Variants in TBC1D23 observed in about 807,000 individuals in gnomAD.
TBC1D23 encodes the protein HCV non-structural protein 4A-transactivated protein 1.
In TBC1D23, 55 loss-of-function variants were observed where a neutral mutation model predicts 91.4. That is an observed-to-expected ratio of 0.60 (90% CI 0.48 to 0.75). TBC1D23 has a LOEUF of 0.75. Among genes scored for constraint, TBC1D23 ranks in the 30% least tolerant of loss-of-function variants. TBC1D23 has a pLI of 0.00. For missense variants in TBC1D23, 725 were observed against 836.1 expected, an observed-to-expected ratio of 0.87 and a Z score of 1.64; for synonymous variants, 289 against 281.0, an observed-to-expected ratio of 1.03 and a Z score of -0.28.
intron 8 of TBC1D23, among the ~76,000 whole-genome samples, chr3:100,297,455 G>T (rs1705320307): frequency 6.6e-6 from 1 of 152,048 alleles, no homozygotes; most frequent in Admixed American, 6.5e-5. Flanking sequence ...AATACTGAAT[G>T]AAAAAGAAGT....
At chr3:100,266,222 G>A (rs887302536) in intron 1 of TBC1D23, among the ~76,000 whole-genome samples, 6 of 151,756 alleles carry the variant, frequency 4.0e-5, no homozygotes, top group African/African-American at 1.5e-4. Flanking sequence ...ATTTTATACT[G>A]TTTACATTAA....
chr3:100,268,197 C>CT (rs1434057792), intron 1 of TBC1D23, among the ~76,000 whole-genome samples: 1 of 151,996 alleles, frequency 6.6e-6, no homozygotes, highest in Non-Finnish European at 1.5e-5. Flanking sequence ...GTTATTTTTC[C>CT]TTTAAACAGT....
chr3:100,314,091 ATTTTTT>A (rs71299383), intron 15 of TBC1D23, among the ~76,000 whole-genome samples: 187 of 94,594 alleles, frequency 2.0e-3, no homozygotes, highest in African/African-American at 6.7e-3. Flanking sequence ...AGGCTACAAA[ATTTTTT>A]TTTTTTTTTT....
At chr3:100,306,363 A>G (rs571801864) in intron 12 of TBC1D23, 74 bp from the exon 13 acceptor site, 87 of 800,284 alleles carry the variant, frequency 1.1e-4, no homozygotes, top group Admixed American at 5.2e-4. Context: ...TGTTTATTGT[A>G]TTTCGTTGGT....
intron 1 of TBC1D23, among the ~76,000 whole-genome samples, chr3:100,269,986 G>A (rs1188224671): frequency 6.6e-6 from 1 of 152,202 alleles, no homozygotes; most frequent in Non-Finnish European, 1.5e-5. Context: ...ACATGGACAA[G>A]CTGGGCTGTC....
rs768268675 is a variant in TBC1D23 at position 100,319,065 on chromosome 3, A to T, written c.1688-4A>T. The T allele has an allele frequency of 6.5e-7, 1 of 1,538,750 alleles. No individual in the cohort carries two copies. Among genetic ancestry groups the T allele is most frequent in the Admixed American group, 1.9e-5 (1 of 51,864 alleles). On this transcript the variant is annotated splice_polypyrimidine_tract_variant and splice_region_variant and intron_variant, in intron 16 of 18. Coordinates refer to ENST00000394144, the MANE Select transcript of TBC1D23 (RefSeq NM_001199198.3). ...CCATATTTAATACTTTGTATTTTTT[A>T]TAGATGAAATTGACAGTTCTTCAAT...
At chr3:100,286,441 G>A (rs181233607) in intron 4 of TBC1D23, among the ~76,000 whole-genome samples, 1 of 151,992 alleles carries the variant, frequency 6.6e-6, no homozygotes, top group African/African-American at 2.4e-5. Context: ...AGCATTAATA[G>A]CCCTGGAAGG....
At chr3:100,300,965 G>A (rs1705415962) in intron 10 of TBC1D23, among the ~76,000 whole-genome samples, 1 of 152,062 alleles carries the variant, frequency 6.6e-6, no homozygotes, top group Non-Finnish European at 1.5e-5. Context: ...AGTGGTCCAT[G>A]GTACATGTAG....
At chr3:100,313,587 T>A (rs1705669235) in intron 15 of TBC1D23, among the ~76,000 whole-genome samples, 1 of 152,220 alleles carries the variant, frequency 6.6e-6, no homozygotes, top group South Asian at 2.1e-4. Context: ...AATAATTTGT[T>A]TTTTAGGATT....
At chr3:100,316,348 C>T (rs1020158217) in intron 16 of TBC1D23, among the ~76,000 whole-genome samples, 161 bp downstream of exon 16, 2 of 151,944 alleles carry the variant, frequency 1.3e-5, no homozygotes, top group African/African-American at 4.8e-5. Context: ...GTTTTAGACA[C>T]CTTGAATTGT....
At position 100,301,888 on chromosome 3, in the gene TBC1D23, A is replaced by G. The variant is rs75125776; in HGVS notation, c.1093-179A>G. On this transcript the variant is annotated intron_variant, in intron 10 of 18. Coordinates refer to ENST00000394144, the MANE Select transcript of TBC1D23 (RefSeq NM_001199198.3). ...TTCAACTTTTGTTCTATTGTATTAT[A>G]GATACATTTATAAATATTTCTCTTA... 2.8e-3 allele frequency: 1,531 copies of G among 554,182 alleles called. 9 individuals are homozygous for G. The highest frequency in any genetic ancestry group is 0.018 in the African/African-American group (915 of 51,636). 34.3% of individuals were successfully genotyped at this position (554,182 alleles called of 1,614,324 possible).
intron 1 of TBC1D23, chr3:100,267,144 G>A: frequency 8.1e-6 from 3 of 370,026 alleles, no homozygotes; most frequent in South Asian, 5.9e-5. Flanking sequence ...AAATGCTGGT[G>A]TTTTGGAAAT....
intron 13 of TBC1D23, among the ~76,000 whole-genome samples, chr3:100,310,032 T>TA (rs1288379370): frequency 2.0e-5 from 3 of 152,242 alleles, no homozygotes; most frequent in Admixed American, 6.5e-5. Context: ...TTCTGGAGGC[T>TA]AAAAGTCCAA....
intron 13 of TBC1D23, among the ~76,000 whole-genome samples, chr3:100,308,203 C>T (rs1035539411): frequency 6.6e-6 from 1 of 152,162 alleles, no homozygotes; most frequent in Non-Finnish European, 1.5e-5. Flanking sequence ...AGGCCGGGCA[C>T]AGTGGCTCAC....
chr3:100,314,644 G>A (rs1374224444), intron 15 of TBC1D23, among the ~76,000 whole-genome samples: 1 of 152,026 alleles, frequency 6.6e-6, no homozygotes, highest in African/African-American at 2.4e-5. Flanking sequence ...ACACCCCCGT[G>A]GTCCCACACT....
intron 4 of TBC1D23, among the ~76,000 whole-genome samples, chr3:100,288,522 C>G (rs1331842440): frequency 6.6e-6 from 1 of 152,090 alleles, no homozygotes; most frequent in Non-Finnish European, 1.5e-5. Context: ...GTTTTCCCAT[C>G]TGTAAATTGG....
At chr3:100,273,359 T>G (rs540765296) in intron 1 of TBC1D23, among the ~76,000 whole-genome samples, 6 of 152,320 alleles carry the variant, frequency 3.9e-5, no homozygotes, top group East Asian at 3.9e-4. Context: ...AGAATTTTTC[T>G]TAGTACAGAA....
chr3:100,290,574 C>A lies in TBC1D23; in HGVS notation c.477-4C>A. ...AAAAAAATTTTGCTTCTCTTGTCTT[C>A]TAGGGATTGTTCCCAGAAAGGGAGA... is the stretch of plus-strand genomic sequence containing the variant. On this transcript the variant is annotated splice_polypyrimidine_tract_variant and splice_region_variant and intron_variant, in intron 4 of 18. Transcript: ENST00000394144. 6.2e-7 allele frequency: 1 copy of A among 1,612,426 alleles called. No homozygotes were observed. Among genetic ancestry groups the A allele is most frequent in the Non-Finnish European group, 8.5e-7 (1 of 1,179,452 alleles).
At chr3:100,274,467 T>C (rs1172011230) in intron 1 of TBC1D23, among the ~76,000 whole-genome samples, 14 of 152,172 alleles carry the variant, frequency 9.2e-5, no homozygotes, top group Admixed American at 9.2e-4. Context: ...CATTTTTCAG[T>C]GTACATTAGT....
Sources: allele counts gnomAD v4.1 joint callset (sites outside exome capture counted in the v4.1 genomes callset), GRCh38; gene constraint gnomAD v4.1.1; transcripts MANE v1.5; gene names NCBI Gene and HGNC (gene_info 2026-07-23, HGNC 2026-07-21).